PARL: variants seen among roughly 807,000 people sequenced by gnomAD.
PARL encodes presenilin-associated rhomboid-like protein, mitochondrial.
Under a neutral mutation model 51.6 loss-of-function variants are expected in PARL, and 44 were observed. The observed-to-expected ratio is 0.85, with a 90% CI of 0.67 to 1.10. The LOEUF is 1.10. Ranked by LOEUF, PARL falls within the 50% of genes least tolerant of loss-of-function variation. The pLI is 0.00. For synonymous variants in PARL, 172 were observed against 164.0 expected (o/e 1.05, Z -0.37); for missense variants, 441 against 469.5 (o/e 0.94, Z 0.56).
chr3:183,870,590 GAT>G (rs1377584698), intron 1 of PARL, among the ~76,000 whole-genome samples: 2 of 152,070 alleles, frequency 1.3e-5, no homozygotes, highest in African/African-American at 4.8e-5. Flanking sequence ...TTTCCTAGCA[GAT>G]CTCCTTGCTT....
intron 4 of PARL, among the ~76,000 whole-genome samples, chr3:183,848,602 C>G (rs114337430): frequency 0.034 from 5,107 of 152,286 alleles, 124 homozygotes; most frequent in Non-Finnish European, 0.053. Flanking sequence ...AGCTGGAGCT[C>G]TTTCAAAGCC....
chr3:183,860,755 A>G (rs1560409884), intron 4 of PARL, among the ~76,000 whole-genome samples: 1 of 152,066 alleles, frequency 6.6e-6, no homozygotes, highest in Non-Finnish European at 1.5e-5. Flanking sequence ...TAATAGTGAA[A>G]TGCTTTGAAA....
intron 4 of PARL, among the ~76,000 whole-genome samples, chr3:183,852,427 A>C (rs560366447): frequency 1.3e-5 from 2 of 152,258 alleles, no homozygotes; most frequent in Non-Finnish European, 2.9e-5. Flanking sequence ...TTCCACTTAT[A>C]TGAAGGATCT....
At chr3:183,874,502 G>A (rs898556578) in intron 1 of PARL, among the ~76,000 whole-genome samples, 20 of 150,108 alleles carry the variant, frequency 1.3e-4, no homozygotes, top group Non-Finnish European at 2.1e-4. Context: ...TCCACCTCTC[G>A]GGTGCAAGCG....
chr3:183,873,985 A>C (rs1347804732), intron 1 of PARL, among the ~76,000 whole-genome samples: 1 of 152,180 alleles, frequency 6.6e-6, no homozygotes, highest in East Asian at 1.9e-4. Context: ...ATTGTACTTC[A>C]CAGATATCCC....
intron 6 of PARL, among the ~76,000 whole-genome samples, 162 bp from the exon 7 acceptor site, chr3:183,840,802 G>T (rs559141423): frequency 6.6e-6 from 1 of 150,676 alleles, no homozygotes; most frequent in African/African-American, 2.4e-5. Flanking sequence ...TGTGCCTACC[G>T]GGTTCAAGTT....
intron 1 of PARL, among the ~76,000 whole-genome samples, chr3:183,869,610 T>TAA (rs143404533): frequency 0.014 from 2,185 of 152,150 alleles, 51 homozygotes; most frequent in African/African-American, 0.049. Context: ...ATTATATATA[T>TAA]AACGAACAAT....
chr3:183,830,119 C>T (rs191805405), intron 9 of PARL, among the ~76,000 whole-genome samples: 178 of 152,300 alleles, frequency 1.2e-3, no homozygotes, highest in Non-Finnish European at 2.0e-3. Context: ...AGAATTAGCA[C>T]TGACTCAGGA....
At chr3:183,880,552 C>A (rs1734327654) in intron 1 of PARL, among the ~76,000 whole-genome samples, 2 of 152,090 alleles carry the variant, frequency 1.3e-5, no homozygotes, top group Admixed American at 6.6e-5. Context: ...CAGGCGCCTG[C>A]CACCACACCT....
chr3:183,861,425 T>C (rs1312589675), intron 4 of PARL: 1 of 153,660 alleles, frequency 6.5e-6, no homozygotes, highest in Non-Finnish European at 1.4e-5. Flanking sequence ...ATGTTACACA[T>C]ACAATTACAT....
Position 183,835,181 on chromosome 3 carries a change from C to T in PARL, c.829-1356G>A, listed in dbSNP as rs553412639. 2.7e-5 allele frequency among the ~76,000 whole-genome samples: 4 copies of T among 149,750 alleles called. No homozygotes were observed. In the South Asian group the frequency reaches 8.4e-4, roughly 32 times the overall value. ...ATGTTTAAAAAAAAAAAAAAGACAC[C>T]TAAGAGCAAAATAACTTTTGAAAGA... On this transcript the variant is annotated intron_variant, in intron 7 of 9. Transcript: ENST00000317096.
chr3:183,879,210 A>G (rs1289898678), intron 1 of PARL, among the ~76,000 whole-genome samples: 1 of 152,232 alleles, frequency 6.6e-6, no homozygotes, highest in Non-Finnish European at 1.5e-5. Context: ...TTGATGAGAC[A>G]CACCAAGCCC....
intron 4 of PARL, among the ~76,000 whole-genome samples, chr3:183,856,072 G>A (rs1731144972): frequency 6.6e-6 from 1 of 152,002 alleles, no homozygotes; most frequent in Non-Finnish European, 1.5e-5. Flanking sequence ...TCCCTGCCCA[G>A]GGCTGGGAAC....
chr3:183,864,903 CTT>C (rs1209103090), intron 3 of PARL, among the ~76,000 whole-genome samples: 74 of 121,348 alleles, frequency 6.1e-4, no homozygotes, highest in African/African-American at 2.1e-3. Flanking sequence ...CTCCATATTT[CTT>C]TTTTTTTTTT....
At chr3:183,839,824 C>T (rs1729080769) in intron 7 of PARL, among the ~76,000 whole-genome samples, 1 of 152,142 alleles carries the variant, frequency 6.6e-6, no homozygotes. Context: ...CCTCAACCTC[C>T]TAGGCTCAAG....
intron 1 of PARL, among the ~76,000 whole-genome samples, chr3:183,877,209 C>T (rs1733951234): frequency 6.6e-6 from 1 of 151,878 alleles, no homozygotes; most frequent in African/African-American, 2.4e-5. Context: ...AGTGAAACTC[C>T]ATCTCGAAAA....
intron 7 of PARL, among the ~76,000 whole-genome samples, chr3:183,837,630 C>A (rs970746581): frequency 1.3e-5 from 2 of 152,168 alleles, no homozygotes; most frequent in African/African-American, 2.4e-5. Context: ...GGAACCTGGA[C>A]GTCTACTCCT....
In PARL at chr3:183,862,759, C is replaced by T. The variant is rs780428566; in HGVS notation, c.505G>A (p.Val169Met). 12 of 1,613,234 alleles carry T rather than the reference C, an allele frequency of 7.4e-6. No homozygotes were observed. The South Asian group carries it at 1.3e-4, about 18-fold the overall frequency. Reference protein sequence around the residue: ...WNNLSDGQRTVTGIIAANVLV... With the variant: ...WNNLSDGQRTMTGIIAANVLV... Reference sequence around the variant, plus strand: ...CGTGTAAGCTAACACAAACCTGTCACAGTCCGCTGGCCATCACTTAGGTTA... The same window carrying T: ...CGTGTAAGCTAACACAAACCTGTCATAGTCCGCTGGCCATCACTTAGGTTA... The change falls in exon 4 of 10, where the codon GTG (valine) becomes ATG (methionine). Residue 169 changes from valine to methionine, a missense_variant. Val to Met is a conservative substitution (Grantham distance 21). Coordinates refer to ENST00000317096, the MANE Select transcript of PARL (RefSeq NM_018622.7).
intron 1 of PARL, chr3:183,879,888 T>A (rs1734243837): frequency 7.4e-6 from 1 of 135,188 alleles, no homozygotes; most frequent in African/African-American, 3.6e-5. Context: ...GATTTTTTTT[T>A]TTTTTTTTTT....
Sources: allele counts gnomAD v4.1 joint callset (sites outside exome capture counted in the v4.1 genomes callset), GRCh38; gene constraint gnomAD v4.1.1; transcripts MANE v1.5; gene names NCBI Gene and HGNC (gene_info 2026-07-23, HGNC 2026-07-21).